Variants in CD99L2 observed in about 807,000 individuals in gnomAD.
CD99L2 encodes the protein CD99 antigen-like protein 2.
In CD99L2, 24 loss-of-function variants were observed where a neutral mutation model predicts 27.3. The observed-to-expected ratio is 0.88, with a 90% confidence interval of 0.64 to 1.24. The LOEUF (loss-of-function observed/expected upper bound fraction) is 1.24. Among genes scored for constraint, CD99L2 ranks in the 50% most tolerant of loss-of-function variants. The pLI is 0.00. For synonymous variants in CD99L2, 97 were observed against 87.9 expected, an observed-to-expected ratio of 1.10 and a Z score of -0.58; for missense variants, 255 against 221.6, an observed-to-expected ratio of 1.15 and a Z score of -0.96.
intron 1 of CD99L2, among the ~76,000 whole-genome samples, chrX:150,835,126 C>T (rs1283329449): frequency 8.9e-6 from 1 of 111,939 alleles, no homozygotes; most frequent in African/African-American, 3.3e-5. Flanking sequence ...GATTAAAGAA[C>T]ACAAAGTTTC....
chrX:150,770,472 C>T (rs1322002106), intron 9 of CD99L2, 103 bp from the exon 10 acceptor site: 2 of 717,288 alleles, frequency 2.8e-6, no homozygotes, highest in African/African-American at 4.2e-5. Context: ...AAAAAAGCAG[C>T]ACAGCTCCCC....
chrX:150,838,091 T>C (rs1245391795), intron 1 of CD99L2, among the ~76,000 whole-genome samples: 1 of 112,580 alleles, frequency 8.9e-6, no homozygotes, highest in African/African-American at 3.2e-5. Flanking sequence ...TTTGCCTCTG[T>C]GGTCTTTCTT....
chrX:150,816,245 T>C (rs1557420484), intron 2 of CD99L2, 167 bp from the exon 3 acceptor site: 21 of 471,005 alleles, frequency 4.5e-5, no homozygotes. Context: ...GATGACAAAA[T>C]GATATAGGTT....
chrX:150,778,457 GGCAGGGT>G (rs1249511868), intron 7 of CD99L2, among the ~76,000 whole-genome samples: 162 of 101,391 alleles, frequency 1.6e-3, no homozygotes, highest in African/African-American at 5.6e-3. Context: ...GTACCACTCT[GGCAGGGT>G]GGGGGGGTAT....
chrX:150,800,432 T>C (rs1240982007), intron 4 of CD99L2, among the ~76,000 whole-genome samples: 3 of 111,915 alleles, frequency 2.7e-5, no homozygotes, highest in Non-Finnish European at 3.8e-5. Context: ...ATAATACAAC[T>C]ATAAAAATAA....
intron 6 of CD99L2, 138 bp from the exon 7 acceptor site, chrX:150,793,894 C>T (rs939159275): frequency 3.3e-5 from 14 of 430,404 alleles, no homozygotes; most frequent in Non-Finnish European, 3.4e-5. Context: ...CTAAGAGGTC[C>T]CCCCAGACCC....
At chrX:150,866,596 G>A (rs1557422046) in intron 1 of CD99L2, among the ~76,000 whole-genome samples, 2 of 111,125 alleles carry the variant, frequency 1.8e-5, no homozygotes, top group Non-Finnish European at 3.8e-5. Context: ...ACTTTAAAAT[G>A]AGTGCAAAAA....
At chrX:150,895,684 A>C (rs2047594102) in intron 1 of CD99L2, among the ~76,000 whole-genome samples, 1 of 111,849 alleles carries the variant, frequency 8.9e-6, no homozygotes, top group Non-Finnish European at 1.9e-5. Context: ...AGGATCCCAG[A>C]GAAGACCACC....
intron 4 of CD99L2, among the ~76,000 whole-genome samples, chrX:150,814,269 C>T (rs1603297318): frequency 8.9e-6 from 1 of 112,406 alleles, no homozygotes; most frequent in South Asian, 3.7e-4. Flanking sequence ...AAGAAACAAC[C>T]GCTTTTGTTG....
chrX:150,772,859 A>G (rs1344949972), intron 9 of CD99L2, among the ~76,000 whole-genome samples: 2 of 110,753 alleles, frequency 1.8e-5, no homozygotes, highest in Non-Finnish European at 3.8e-5. Flanking sequence ...AGACAGCCAC[A>G]CAGGAAGGCG....
intron 7 of CD99L2, among the ~76,000 whole-genome samples, chrX:150,782,103 G>T (rs1218763034): frequency 2.7e-5 from 3 of 111,880 alleles, no homozygotes; most frequent in African/African-American, 9.8e-5. Flanking sequence ...TAACTGCTGG[G>T]GGAGATGTTC....
chrX:150,815,065 T>G, intron 3 of CD99L2, 129 bp from the exon 4 acceptor site: 2 of 576,789 alleles, frequency 3.5e-6, no homozygotes, highest in Non-Finnish European at 2.8e-6. Context: ...CAAAGAGACT[T>G]ATATTGGAAT....
At chrX:150,814,497 C>T (rs891235102) in intron 4 of CD99L2, among the ~76,000 whole-genome samples, 5 of 112,379 alleles carry the variant, frequency 4.4e-5, no homozygotes, top group Middle Eastern at 4.2e-3. Flanking sequence ...AATGTAACAG[C>T]GTGCCGCTCT....
At chrX:150,897,526 AGTGTGT>A (rs58656065) in intron 1 of CD99L2, among the ~76,000 whole-genome samples, 21 of 103,838 alleles carry the variant, frequency 2.0e-4, no homozygotes, top group South Asian at 8.8e-4. Flanking sequence ...ACTAGGACAA[AGTGTGT>A]GTGTGTGTGT....
In CD99L2 at chrX:150,809,416, A is replaced by C. The variant is rs182732273; in HGVS notation, c.277+5446T>G. Among the ~76,000 whole-genome samples, 5 of 112,575 alleles carry C rather than the reference A, an allele frequency of 4.4e-5. No homozygotes were observed. The East Asian group carries it at 1.1e-3, about 25-fold the overall frequency. ...CCAGGGAAATTATAAGAGTGAATGA[A>C]TACTACTTTAACTTGCTAATTTTAT... On this transcript the variant is annotated intron_variant, in intron 4 of 10. Coordinates refer to ENST00000370377, the MANE Select transcript of CD99L2 (RefSeq NM_031462.4).
rs1197877563 is a variant in CD99L2 at position 150,831,237 on chromosome X, C to A, written c.124G>T (p.Val42Leu). 18 of 1,198,454 alleles carry A rather than the reference C, an allele frequency of 1.5e-5. No homozygotes were observed. The highest frequency in any genetic ancestry group is 2.0e-5 in the Non-Finnish European group (18 of 886,955). ...TATTTGATTTACTACTCACGCTTTACTGAGGAAGTTTCTTTCACTGCATCC... is the reference window on the plus strand; with the variant it reads ...TATTTGATTTACTACTCACGCTTTAATGAGGAAGTTTCTTTCACTGCATCC... ...LEDAVKETSS[V>L]KQPWDHTTTT... The change falls in exon 2 of 11, where the codon GTA becomes TTA. Residue 42 changes from valine to leucine, a missense_variant. By Grantham distance (32) the Val-to-Leu change is conservative. Transcript: ENST00000370377.
intron 4 of CD99L2, among the ~76,000 whole-genome samples, chrX:150,804,127 T>C (rs782633781): frequency 1.8e-5 from 2 of 111,947 alleles, no homozygotes; most frequent in East Asian, 2.8e-4. Flanking sequence ...CAAGCACACA[T>C]GGAACATTCT....
chrX:150,794,550 C>A (rs1311454960), intron 6 of CD99L2, among the ~76,000 whole-genome samples: 1 of 112,324 alleles, frequency 8.9e-6, no homozygotes, highest in East Asian at 2.8e-4. Context: ...ACAAGATAGT[C>A]CCACGGAACC....
chrX:150,781,407 G>C (rs192861952), intron 7 of CD99L2, among the ~76,000 whole-genome samples: 2 of 111,972 alleles, frequency 1.8e-5, no homozygotes, highest in African/African-American at 6.5e-5. Flanking sequence ...TTTGTAAGAA[G>C]TTTTAACTCT....
Sources: gnomAD v4.1 joint callset for allele counts (sites outside exome capture counted in the v4.1 genomes callset) on GRCh38, gnomAD v4.1.1 for gene constraint, MANE v1.5 for transcripts, NCBI Gene and HGNC (gene_info 2026-07-23, HGNC 2026-07-21) for gene names.